The following SNTB1 variants were observed in gnomAD, a reference collection of about 807,000 sequenced individuals.
SNTB1 encodes syntrophin beta 1.
A neutral mutation model predicts 48.9 loss-of-function variants in SNTB1; 36 were observed. That is an observed-to-expected ratio of 0.74 (90% confidence interval 0.56 to 0.97). The LOEUF (loss-of-function observed/expected upper bound fraction) is 0.97. Among genes scored for constraint, SNTB1 ranks in the 50% least tolerant of loss-of-function variants. The pLI is 0.00. For missense variants in SNTB1, 786 were observed against 703.4 expected, an observed-to-expected ratio of 1.12 and a Z score of -1.33; for synonymous variants, 299 against 294.6, an observed-to-expected ratio of 1.01 and a Z score of -0.15.
At chr8:120,661,844 T>G (rs1006170007) in intron 2 of SNTB1, among the ~76,000 whole-genome samples, 14 of 152,186 alleles carry the variant, frequency 9.2e-5, no homozygotes, top group African/African-American at 3.4e-4. Flanking sequence ...TTTTTATGGC[T>G]GCGAGTCCAG....
intron 3 of SNTB1, among the ~76,000 whole-genome samples, chr8:120,586,162 A>G (rs995965096): frequency 6.6e-6 from 1 of 152,248 alleles, no homozygotes; most frequent in African/African-American, 2.4e-5. Context: ...AACTCTTTTC[A>G]GGAATTAGCC....
intron 4 of SNTB1, among the ~76,000 whole-genome samples, chr8:120,565,066 C>G (rs1437400917): frequency 6.6e-6 from 1 of 152,130 alleles, no homozygotes; most frequent in African/African-American, 2.4e-5. Flanking sequence ...TTTTTGGAGA[C>G]ATTTTGTTGG....
intron 4 of SNTB1, among the ~76,000 whole-genome samples, chr8:120,554,864 G>A (rs1815540758): frequency 6.6e-6 from 1 of 152,104 alleles, no homozygotes; most frequent in Non-Finnish European, 1.5e-5. Context: ...TGAAGTTATA[G>A]GATCTTTTTG....
In SNTB1 at chr8:120,631,594, C is replaced by CCTGAGCACT. The variant is rs1335066816; in HGVS notation, c.996+849_996+850insAGTGCTCAG. On this transcript the variant is annotated intron_variant, in intron 3 of 6. Transcript: ENST00000517992. ...TGGGAGGTCAGATTATTCCCAAAGT[C>CCTGAGCACT]CAGTGTTCCTGAGCACTCCAGGTCA... 7.8e-4 allele frequency among the ~76,000 whole-genome samples: 118 copies of CCTGAGCACT among 152,238 alleles called. 1 individual carries two copies. Among genetic ancestry groups the CCTGAGCACT allele is most frequent in the Non-Finnish European group, 3.4e-4 (23 of 68,020 alleles).
chr8:120,779,266 A>T (rs1032260033), intron 1 of SNTB1, among the ~76,000 whole-genome samples: 2 of 152,150 alleles, frequency 1.3e-5, no homozygotes, highest in African/African-American at 2.4e-5. Context: ...GCACTTTGGG[A>T]GGTCGAGGTA....
intron 4 of SNTB1, among the ~76,000 whole-genome samples, chr8:120,567,571 C>A (rs1815774410): frequency 1.3e-5 from 2 of 151,972 alleles, no homozygotes; most frequent in South Asian, 2.1e-4. Flanking sequence ...CAGGTGTGCA[C>A]CACCATGCAT....
intron 2 of SNTB1, among the ~76,000 whole-genome samples, chr8:120,645,316 A>C (rs1408957510): frequency 6.6e-6 from 1 of 150,432 alleles, no homozygotes; most frequent in Admixed American, 6.6e-5. Flanking sequence ...TTAAGTCTTT[A>C]ATCCATATTG....
At chr8:120,744,373 G>C (rs890896864) in intron 1 of SNTB1, among the ~76,000 whole-genome samples, 3 of 152,028 alleles carry the variant, frequency 2.0e-5, no homozygotes, top group African/African-American at 7.2e-5. Context: ...ACAGAAAAAC[G>C]TACAAAGATT....
intron 3 of SNTB1, among the ~76,000 whole-genome samples, chr8:120,593,677 C>G (rs999574973): frequency 1.3e-5 from 2 of 152,054 alleles, no homozygotes; most frequent in African/African-American, 2.4e-5. Context: ...AATCATTAGG[C>G]CAAAGAAATG....
At chr8:120,784,149 A>G (rs1819877355) in intron 1 of SNTB1, among the ~76,000 whole-genome samples, 1 of 152,016 alleles carries the variant, frequency 6.6e-6, no homozygotes, top group African/African-American at 2.4e-5. Flanking sequence ...ACCCACGATC[A>G]CACCCAGCTA....
chr8:120,566,531 A>G (rs1044645950), intron 4 of SNTB1, among the ~76,000 whole-genome samples: 1 of 152,104 alleles, frequency 6.6e-6, no homozygotes, highest in African/African-American at 2.4e-5. Context: ...TCTATTATTT[A>G]TAAATTACCC....
At chr8:120,626,875 T>C (rs1816893179) in intron 3 of SNTB1, among the ~76,000 whole-genome samples, 1 of 152,226 alleles carries the variant, frequency 6.6e-6, no homozygotes, top group South Asian at 2.1e-4. Context: ...TGAACATTTC[T>C]AAGGGCAGCT....
chr8:120,585,337 T>C (rs767958803), intron 3 of SNTB1, among the ~76,000 whole-genome samples: 12 of 152,342 alleles, frequency 7.9e-5, no homozygotes, highest in African/African-American at 1.4e-4. Flanking sequence ...TCAGTGCAAC[T>C]GTGCAGCAGG....
chr8:120,737,787 G>A (rs1485586883), intron 1 of SNTB1, among the ~76,000 whole-genome samples: 1 of 152,028 alleles, frequency 6.6e-6, no homozygotes, highest in Non-Finnish European at 1.5e-5. Context: ...CCTTTCAATT[G>A]TCATAATGTA....
intron 4 of SNTB1, among the ~76,000 whole-genome samples, chr8:120,569,973 C>A (rs1043505021): frequency 3.6e-4 from 55 of 152,276 alleles, no homozygotes; most frequent in African/African-American, 1.3e-3. Context: ...TTTGTCCTTC[C>A]CCTCCTCCTT....
At chr8:120,607,516 A>G (rs2130726759) in intron 3 of SNTB1, among the ~76,000 whole-genome samples, 1 of 152,312 alleles carries the variant, frequency 6.6e-6, no homozygotes, top group East Asian at 1.9e-4. Context: ...TTAACTCGTC[A>G]TTTAACATTA....
chr8:120,556,539 G>A (rs1815570308), intron 4 of SNTB1, among the ~76,000 whole-genome samples: 1 of 152,162 alleles, frequency 6.6e-6, no homozygotes, highest in African/African-American at 2.4e-5. Context: ...ACAATAATAA[G>A]TTGGGGATGA....
chr8:120,546,808 T>A (rs1428874704), intron 5 of SNTB1, among the ~76,000 whole-genome samples: 1 of 152,240 alleles, frequency 6.6e-6, no homozygotes, highest in Non-Finnish European at 1.5e-5. Flanking sequence ...TTAAAAATTT[T>A]AAATTATCTA....
intron 1 of SNTB1, among the ~76,000 whole-genome samples, chr8:120,729,035 A>G (rs896614048): frequency 6.6e-6 from 1 of 150,652 alleles, no homozygotes; most frequent in Non-Finnish European, 1.5e-5. Context: ...GCTGGAGTGC[A>G]CTGGTGCTAT....
Sources: gnomAD v4.1 joint callset for allele counts (sites outside exome capture counted in the v4.1 genomes callset) on GRCh38, gnomAD v4.1.1 for gene constraint, MANE v1.5 for transcripts, NCBI Gene and HGNC (gene_info 2026-07-23, HGNC 2026-07-21) for gene names.